DOLPP1: variants seen among roughly 807,000 people sequenced by gnomAD.
DOLPP1 encodes dolichyl pyrophosphate phosphatase 1.
A neutral mutation model predicts 34.1 loss-of-function variants in DOLPP1; 15 were observed. The ratio of observed to expected loss-of-function variants is 0.44; its 90% CI spans 0.29 to 0.68. The LOEUF (loss-of-function observed/expected upper bound fraction) is 0.68, where lower values mean the gene tolerates loss of function less well. Among genes scored for constraint, DOLPP1 ranks in the 30% least tolerant of loss-of-function variants. DOLPP1 has a pLI of 0.12. For synonymous variants in DOLPP1, 130 were observed against 128.2 expected (o/e 1.01, Z -0.10); for missense variants, 249 against 307.1 (o/e 0.81, Z 1.41).
intron 1 of DOLPP1, among the ~76,000 whole-genome samples, chr9:129,083,735 C>T (rs1229479772): frequency 6.6e-6 from 1 of 152,192 alleles, no homozygotes; most frequent in Non-Finnish European, 1.5e-5. Flanking sequence ...GAGTCTCATG[C>T]AGCTGTAGGA....
At position 129,085,494 on chromosome 9, in the gene DOLPP1, C is replaced by T; in HGVS notation, c.363-24C>T. 6.2e-7 allele frequency: 1 copy of T among 1,609,962 alleles called. No homozygotes were observed. ...CCTGGGCTGGGCTGTGGGCTGAGGT[C>T]ATCTGGTGGGCCTGTTTTCGCAGAA... On this transcript the variant is annotated intron_variant, in intron 4 of 7. Coordinates refer to ENST00000372546, the MANE Select transcript of DOLPP1 (RefSeq NM_020438.5). The surrounding 1 kb of genome is among the most constrained non-coding windows in gnomAD (Gnocchi z 7.0).
intron 6 of DOLPP1, 101 bp from the exon 7 acceptor site, chr9:129,086,608 G>A (rs779193842): frequency 4.9e-6 from 6 of 1,216,566 alleles, no homozygotes; most frequent in Non-Finnish European, 6.0e-6. Flanking sequence ...AGGCAGTCGG[G>A]GCGGGTGCCG....
At chr9:129,083,853 A>T (rs901655050) in intron 1 of DOLPP1, among the ~76,000 whole-genome samples, 17 of 152,164 alleles carry the variant, frequency 1.1e-4, no homozygotes. Flanking sequence ...CCATGCTCTC[A>T]GACCCCAGAG....
rs906971145 is a variant in DOLPP1, at chr9:129,089,986, T to C, written c.*979T>C. 2 of 152,424 alleles carry C rather than the reference T, an allele frequency of 1.3e-5. No individual in the cohort carries two copies. The highest frequency in any genetic ancestry group is 6.5e-5 in the Admixed American group (1 of 15,286). The allele number at this position is 152,424 out of a possible 1,614,324, so 9.4% of individuals were successfully genotyped here. On this transcript the variant is annotated 3_prime_UTR_variant, in exon 8 of 8. Transcript: ENST00000372546. This position sits in a 1 kb window ranked among gnomAD's most constrained non-coding sequence, Gnocchi z 4.9. ...CTGCTTGGGGTCCCCCTCAAACCTGTGTCTGGGGTGTGGGCTCACAGATCC... is the reference window on the plus strand; with the variant it reads ...CTGCTTGGGGTCCCCCTCAAACCTGCGTCTGGGGTGTGGGCTCACAGATCC...
At chr9:129,086,076 T>C in intron 5 of DOLPP1, 63 bp from the exon 6 acceptor site, 2 of 1,545,004 alleles carry the variant, frequency 1.3e-6, no homozygotes, top group Non-Finnish European at 1.8e-6. Context: ...ACATGGGCAG[T>C]GGGGATTGTG....
chr9:129,089,223 C>A lies in DOLPP1; in HGVS notation c.*216C>A. 2.0e-6 allele frequency: 1 copy of A among 506,712 alleles called. No individual in the cohort carries two copies. The highest frequency in any genetic ancestry group is 3.5e-6 in the Non-Finnish European group (1 of 281,728). 31.4% of individuals were successfully genotyped at this position (506,712 alleles called of 1,614,324 possible). The stretch of plus-strand genomic sequence containing the variant: ...CCCTGGGGGGCCTGCTGCCTGGGGG[C>A]CGTGGCCAGAGACCCTCGCTGTGCT... On this transcript the variant is annotated 3_prime_UTR_variant, in exon 8 of 8. Transcript: ENST00000372546. The surrounding 1 kb of genome is among the most constrained non-coding windows in gnomAD (Gnocchi z 4.9).
At position 129,081,187 on chromosome 9, in the gene DOLPP1, C is replaced by G. The variant is rs931405301; in HGVS notation, c.56C>G (p.Thr19Ser). ...LPASWRPVTL[T>S]HVEYPAGDLS... ...GCTTCATGGCGGCCGGTGACCCTCA[C>G]CCACGTCGAATATCCTGCAGGTAAA... is the stretch of plus-strand genomic sequence containing the variant. Residue 19 changes from threonine (T) to serine (S), a missense_variant, in exon 1 of 8, where the codon ACC becomes AGC. By Grantham distance (58) the Thr-to-Ser change is moderately conservative. Transcript: ENST00000372546. The G allele has an allele frequency of 6.2e-6, 10 of 1,610,342 alleles. No homozygotes were observed. The highest frequency in any genetic ancestry group is 8.5e-6 in the Non-Finnish European group (10 of 1,179,642).
At position 129,090,114 on chromosome 9, in the gene DOLPP1, G is replaced by T. The variant is rs1052845714; in HGVS notation, c.*1107G>T. The T allele has an allele frequency of 6.6e-6, 1 of 152,652 alleles. No homozygotes were observed. Among genetic ancestry groups the T allele is most frequent in the East Asian group, 1.9e-4 (1 of 5,196 alleles). The allele number at this position is 152,652 out of a possible 1,614,324, so 9.5% of individuals were successfully genotyped here. ...AGGAGACGCCTCCAGACTCTCAGAA[G>T]TTTTGAGGACTGAACTGGGTCACTC... On this transcript the variant is annotated 3_prime_UTR_variant, in exon 8 of 8. Coordinates refer to ENST00000372546, the MANE Select transcript of DOLPP1 (RefSeq NM_020438.5).
Position 129,086,211 on chromosome 9 carries a change from C to T in DOLPP1, c.534C>T (p.Ala178=). 1.2e-6 allele frequency: 2 copies of T among 1,613,644 alleles called. No individual in the cohort carries two copies. The highest frequency in any genetic ancestry group is 8.5e-7 in the Non-Finnish European group (1 of 1,179,998). ...TCGCTGGAGGCCTCATGGCCATCGC[C>T]TGGTTCATCTTCACCCAGGAGGTCC... ...GGIAGGLMAI[A]WFIFTQEVLT... is the part of the protein sequence containing the mutation. The change falls in exon 6 of 8, where the codon GCC becomes GCT. Residue 178 remains alanine, a synonymous_variant. Coordinates refer to ENST00000372546, the MANE Select transcript of DOLPP1 (RefSeq NM_020438.5).
chr9:129,082,469 C>T (rs1846908508), intron 1 of DOLPP1, among the ~76,000 whole-genome samples: 1 of 152,202 alleles, frequency 6.6e-6, no homozygotes, highest in Non-Finnish European at 1.5e-5. Context: ...CTATGAAAAC[C>T]AGCTGCTTTA....
intron 1 of DOLPP1, among the ~76,000 whole-genome samples, chr9:129,081,808 G>T (rs1310628179): frequency 2.0e-5 from 3 of 152,204 alleles, no homozygotes; most frequent in East Asian, 3.9e-4. Context: ...CTCTCGAAGT[G>T]CAGGGCTTTC....
rs368700419 is a variant in DOLPP1, at chr9:129,085,185, C to T, written c.263-22C>T. 2 of 1,613,124 alleles carry T rather than the reference C, an allele frequency of 1.2e-6. No individual in the cohort carries two copies. Among genetic ancestry groups the T allele is most frequent in the African/African-American group, 2.7e-5 (2 of 74,920 alleles). On this transcript the variant is annotated intron_variant, in intron 3 of 7. Transcript: ENST00000372546. This position sits in a 1 kb window ranked among gnomAD's most constrained non-coding sequence, Gnocchi z 7.0. ...GGAGGTCTGCATCCCCCCGTGATGC[C>T]CTGGTCTCCTCTCTCTCCCAGGCCC...
intron 1 of DOLPP1, among the ~76,000 whole-genome samples, chr9:129,081,450 C>T (rs1846887415): frequency 6.6e-6 from 1 of 152,128 alleles, no homozygotes; most frequent in Non-Finnish European, 1.5e-5. Flanking sequence ...CAGGGCGCTC[C>T]CCCGGGTCCC....
At chr9:129,086,636 G>A (rs921117138) in intron 6 of DOLPP1, 73 bp from the exon 7 acceptor site, 5 of 1,475,548 alleles carry the variant, frequency 3.4e-6, no homozygotes, top group South Asian at 1.1e-5. Context: ...CCCGGGCAAT[G>A]GTGGGGATGG....
intron 6 of DOLPP1, 140 bp from the exon 7 acceptor site, chr9:129,086,569 T>C (rs1456689193): frequency 3.3e-6 from 3 of 906,526 alleles, no homozygotes; most frequent in Non-Finnish European, 5.3e-6. Context: ...TCTCAGTGGC[T>C]CTGGGGTCTC....
intron 6 of DOLPP1, 110 bp downstream of exon 6, chr9:129,086,377 A>G: frequency 7.3e-7 from 1 of 1,370,024 alleles, no homozygotes; most frequent in South Asian, 1.3e-5. Flanking sequence ...CTCCCTGGGA[A>G]GGCCCCAGTG....
chr9:129,081,824 G>A (rs1377709909), intron 1 of DOLPP1, among the ~76,000 whole-genome samples: 1 of 152,210 alleles, frequency 6.6e-6, no homozygotes, highest in Non-Finnish European at 1.5e-5. Context: ...CTTTCCAGTT[G>A]AGAGGTCCAT....
chr9:129,088,550 C>A (rs546438571), intron 7 of DOLPP1, among the ~76,000 whole-genome samples: 19 of 152,288 alleles, frequency 1.2e-4, no homozygotes, highest in African/African-American at 4.6e-4. Flanking sequence ...CCTGCTTTCG[C>A]TTGCATACCT....
At chr9:129,087,793 G>A (rs77621105) in intron 7 of DOLPP1, among the ~76,000 whole-genome samples, 3,242 of 152,110 alleles carry the variant, frequency 0.021, 33 homozygotes, top group Non-Finnish European at 0.034. Context: ...GGGCAAAGCC[G>A]GGGATCCATG....
Sources: allele counts gnomAD v4.1 joint callset (sites outside exome capture counted in the v4.1 genomes callset), GRCh38; gene constraint gnomAD v4.1.1; non-coding constraint Gnocchi (gnomAD v3.1); transcripts MANE v1.5; gene names NCBI Gene and HGNC (gene_info 2026-07-23, HGNC 2026-07-21).